RASGRF2: variants seen among roughly 807,000 people sequenced by gnomAD.
RASGRF2 encodes ras-specific guanine nucleotide-releasing factor 2.
A neutral mutation model predicts 151.0 loss-of-function variants in RASGRF2; 76 were observed. The observed-to-expected ratio is 0.50, with a 90% CI of 0.42 to 0.61. The LOEUF (loss-of-function observed/expected upper bound fraction) is 0.61. Among genes scored for constraint, RASGRF2 ranks in the 20% least tolerant of loss-of-function variants. The pLI, the probability that RASGRF2 is intolerant of heterozygous loss-of-function variation, is 0.00. For missense variants in RASGRF2, 1,148 were observed against 1,564.6 expected, an observed-to-expected ratio of 0.73 and a Z score of 4.49; for synonymous variants, 504 against 566.5, an observed-to-expected ratio of 0.89 and a Z score of 1.57.
intron 4 of RASGRF2, 47 bp downstream of exon 4, chr5:81,070,628 G>A (rs771113469): frequency 1.9e-5 from 28 of 1,504,244 alleles, no homozygotes; most frequent in South Asian, 1.5e-4. Flanking sequence ...GTGACCAGTC[G>A]TCTGTTCTAT....
At chr5:81,173,487 A>G (rs747250380) in intron 17 of RASGRF2, among the ~76,000 whole-genome samples, 2 of 152,252 alleles carry the variant, frequency 1.3e-5, no homozygotes, top group Non-Finnish European at 2.9e-5. Flanking sequence ...TTGAGCTTCC[A>G]TAATCCTAAC....
intron 1 of RASGRF2, among the ~76,000 whole-genome samples, chr5:80,965,146 C>T (rs1052264973): frequency 1.3e-5 from 2 of 152,040 alleles, no homozygotes; most frequent in African/African-American, 4.8e-5. Context: ...CATTACTAGT[C>T]ATTTTAGCCT....
intron 13 of RASGRF2, among the ~76,000 whole-genome samples, chr5:81,109,842 T>G (rs1009107549): frequency 2.0e-5 from 3 of 152,180 alleles, no homozygotes; most frequent in Admixed American, 1.3e-4. Flanking sequence ...GAGGTGACAC[T>G]TAATGAACTG....
At chr5:80,969,454 C>CTT (rs1336281599) in intron 1 of RASGRF2, among the ~76,000 whole-genome samples, 1 of 126,064 alleles carries the variant, frequency 7.9e-6, no homozygotes, top group African/African-American at 2.9e-5. Context: ...TTTCTTTTTT[C>CTT]TTTTTTTTTT....
chr5:81,121,521 A>G (rs1381869670), intron 15 of RASGRF2, among the ~76,000 whole-genome samples: 2 of 152,230 alleles, frequency 1.3e-5, no homozygotes, highest in Non-Finnish European at 2.9e-5. Context: ...AGAACGTCAA[A>G]CAATGTGAGG....
rs181001765 is a variant in RASGRF2, at chr5:81,117,682, A to C, written c.2470+3762A>C. ...CCCCAAAGTCTTAACTTGTTTTGGC[A>C]TCAACTGATAAGTCCGAAGTCCAGA... On this transcript the variant is annotated intron_variant, in intron 15 of 26. Transcript: ENST00000265080. 1.6e-4 allele frequency among the ~76,000 whole-genome samples: 24 copies of C among 152,282 alleles called. No individual in the cohort carries two copies. In the East Asian group the frequency reaches 4.2e-3, roughly 27 times the overall value.
At chr5:81,073,016 C>G (rs917722952) in intron 4 of RASGRF2, among the ~76,000 whole-genome samples, 183 bp from the exon 5 acceptor site, 11 of 152,258 alleles carry the variant, frequency 7.2e-5, no homozygotes, top group African/African-American at 2.7e-4. Flanking sequence ...CTGAAACACA[C>G]AGGCCAGTGC....
chr5:80,960,700 G>A lies in RASGRF2; in HGVS notation c.-39G>A. Reference sequence around the variant, plus strand: ...TGGGCCATGGCCGCGAGGCAGGGGTGAGACCGGCGGCCACCCGTGAGCCCT... The same window carrying A: ...TGGGCCATGGCCGCGAGGCAGGGGTAAGACCGGCGGCCACCCGTGAGCCCT... On this transcript the variant is annotated 5_prime_UTR_variant, in exon 1 of 27. An upstream open reading frame in the 5' UTR loses its in-frame stop. Transcript: ENST00000265080. This position sits in a 1 kb window ranked among gnomAD's most constrained non-coding sequence, Gnocchi z 5.5. 3.4e-6 allele frequency: 5 copies of A among 1,456,088 alleles called. No individual in the cohort carries two copies. Among genetic ancestry groups the A allele is most frequent in the Non-Finnish European group, 3.7e-6 (4 of 1,090,494 alleles). 90.2% of individuals were successfully genotyped at this position (1,456,088 alleles called of 1,614,324 possible).
chr5:80,994,181 C>T lies in RASGRF2; in HGVS notation c.288+33155C>T, dbSNP rs552653797. Among the ~76,000 whole-genome samples the T allele has an allele frequency of 1.7e-4, 26 of 151,852 alleles. No homozygotes were observed. The South Asian group carries it at 2.1e-3, about 12-fold the overall frequency. On this transcript the variant is annotated intron_variant, in intron 1 of 26. Coordinates refer to ENST00000265080, the MANE Select transcript of RASGRF2 (RefSeq NM_006909.3). ...GAGATCGAGACCATCCTGGCTAACA[C>T]GGTGAAACCCCGTCTCTAATAAAAA...
At position 81,226,616 on chromosome 5, in the gene RASGRF2, A is replaced by G. The variant is rs971997988; in HGVS notation, c.*846A>G. 4 of 152,214 alleles carry G rather than the reference A, an allele frequency of 2.6e-5. No individual in the cohort carries two copies. The highest frequency in any genetic ancestry group is 9.7e-5 in the African/African-American group (4 of 41,444). The allele number at this position is 152,214 out of a possible 1,614,324, so 9.4% of individuals were successfully genotyped here. ...AGGCCACCAAGTGCTGTGGGGAATC[A>G]TGGGTTTCAGTGCTGAGTGAAAATC... On this transcript the variant is annotated 3_prime_UTR_variant, in exon 27 of 27. Coordinates refer to ENST00000265080, the MANE Select transcript of RASGRF2 (RefSeq NM_006909.3).
intron 15 of RASGRF2, among the ~76,000 whole-genome samples, chr5:81,118,891 G>A (rs1048661543): frequency 2.0e-5 from 3 of 152,128 alleles, no homozygotes; most frequent in African/African-American, 7.2e-5. Context: ...TTGCTACTTT[G>A]TAACAAAGAT....
chr5:81,171,520 A>G (rs2112659501), intron 17 of RASGRF2, among the ~76,000 whole-genome samples: 1 of 148,530 alleles, frequency 6.7e-6, no homozygotes, highest in East Asian at 2.0e-4. Context: ...GAAAATTATC[A>G]GAAAATTCAA....
rs535364156 is a variant in RASGRF2 at position 81,149,285 on chromosome 5, A to T, written c.2686+22122A>T. On this transcript the variant is annotated intron_variant, in intron 17 of 26. Coordinates refer to ENST00000265080, the MANE Select transcript of RASGRF2 (RefSeq NM_006909.3). ...AATGTAGTATATATGCACCATGGAA[A>T]ACTACTTATGCATAAAACAGAAGAC... Among the ~76,000 whole-genome samples the T allele has an allele frequency of 2.6e-5, 4 of 152,362 alleles. No homozygotes were observed. In the East Asian group the frequency reaches 7.7e-4, roughly 29 times the overall value.
chr5:81,033,738 G>A (rs1750357642), intron 1 of RASGRF2, among the ~76,000 whole-genome samples: 2 of 152,156 alleles, frequency 1.3e-5, no homozygotes, highest in Admixed American at 1.3e-4. Context: ...ATAGGCATGG[G>A]CAAGGATTTC....
At position 81,208,407 on chromosome 5, in the gene RASGRF2, A is replaced by G. The variant is rs1307485365; in HGVS notation, c.3125A>G (p.Tyr1042Cys). 20 of 1,613,994 alleles carry G rather than the reference A, an allele frequency of 1.2e-5. No individual in the cohort carries two copies. Among genetic ancestry groups the G allele is most frequent in the Non-Finnish European group, 1.6e-5 (19 of 1,180,004 alleles). Residue 1042 changes from tyrosine to cysteine, a missense_variant, in exon 22 of 27, where the codon TAC becomes TGC. Tyr to Cys is a radical substitution (Grantham distance 194). Around this residue, in one of 5 missense-constraint regions of RASGRF2, gnomAD observed 646 missense variants for 807.4 expected, o/e 0.80. Coordinates refer to ENST00000265080, the MANE Select transcript of RASGRF2 (RefSeq NM_006909.3). ...MKLDKNERTP[Y>C]IMKTSQHFND... ...CTGGATAAAAACGAAAGAACTCCTT[A>G]CATTATGAAAACCAGCCAACACTTC...
At chr5:81,166,146 G>A (rs1754501580) in intron 17 of RASGRF2, among the ~76,000 whole-genome samples, 1 of 151,998 alleles carries the variant, frequency 6.6e-6, no homozygotes, top group Non-Finnish European at 1.5e-5. Context: ...GATTACTGGG[G>A]CAAAAAGTAA....
rs577674095 is a variant in RASGRF2, at chr5:81,140,563, T to C, written c.2686+13400T>C. On this transcript the variant is annotated intron_variant, in intron 17 of 26. Coordinates refer to ENST00000265080, the MANE Select transcript of RASGRF2 (RefSeq NM_006909.3). ...GCCTGCGAAGCAGCTAGAATGCTCA[T>C]GGCAGGTGGGCTTTGCATTCTCTTC... Among the ~76,000 whole-genome samples, 3 of 152,294 alleles carry C rather than the reference T, an allele frequency of 2.0e-5. No homozygotes were observed. In the South Asian group the frequency reaches 6.2e-4, roughly 32 times the overall value.
chr5:81,018,113 A>AG lies in RASGRF2; in HGVS notation c.289-24764_289-24763insG, dbSNP rs1554085833. Among the ~76,000 whole-genome samples the AG allele has an allele frequency of 3.9e-5, 6 of 152,108 alleles. No homozygotes were observed. The East Asian group carries it at 5.8e-4, about 15-fold the overall frequency. On this transcript the variant is annotated intron_variant, in intron 1 of 26. Coordinates refer to ENST00000265080, the MANE Select transcript of RASGRF2 (RefSeq NM_006909.3). Reference sequence around the variant, plus strand: ...GACAGAGCGAGACTGTCTCAAAAAAAAAAGAAAGAAAGAAAGAAAGAAAAA... The same window carrying AG: ...GACAGAGCGAGACTGTCTCAAAAAAAGAAAGAAAGAAAGAAAGAAAGAAAAA...
At chr5:81,204,086 C>T (rs1266985460) in intron 19 of RASGRF2, 3 of 152,154 alleles carry the variant, frequency 2.0e-5, no homozygotes, top group African/African-American at 7.2e-5. Context: ...AATCCCATTT[C>T]CTTTTATTTG....
Sources: allele counts gnomAD v4.1 joint callset (sites outside exome capture counted in the v4.1 genomes callset), GRCh38; gene constraint gnomAD v4.1.1; regional missense constraint gnomAD v4.1.1; non-coding constraint Gnocchi (gnomAD v3.1); transcripts MANE v1.5; gene names NCBI Gene and HGNC (gene_info 2026-07-23, HGNC 2026-07-21).